The following HECW2 variants were observed in gnomAD, a reference collection of about 807,000 sequenced individuals.
HECW2 encodes E3 ubiquitin-protein ligase HECW2.
Under a neutral mutation model 175.2 loss-of-function variants are expected in HECW2, and 61 were observed. That is an observed-to-expected ratio of 0.35 (90% CI 0.28 to 0.43). The LOEUF is 0.43. Among genes scored for constraint, HECW2 ranks in the 20% least tolerant of loss-of-function variants. The pLI is 1.00. For synonymous variants in HECW2, 671 were observed against 731.0 expected, an observed-to-expected ratio of 0.92 and a Z score of 1.32; for missense variants, 1,524 against 2,000.5, an observed-to-expected ratio of 0.76 and a Z score of 4.54.
chr2:196,329,762 T>G (rs1575421889), intron 4 of HECW2, 112 bp from the exon 5 acceptor site: 3 of 755,194 alleles, frequency 4.0e-6, no homozygotes, highest in Non-Finnish European at 6.8e-6. Context: ...AAACGGGTAT[T>G]GTATCATGTG....
chr2:196,276,687 G>C (rs1222943522), intron 15 of HECW2, among the ~76,000 whole-genome samples: 4 of 152,186 alleles, frequency 2.6e-5, no homozygotes, highest in East Asian at 3.8e-4. Context: ...TTACATGACA[G>C]CAAGGTAAAG....
intron 2 of HECW2, among the ~76,000 whole-genome samples, chr2:196,429,248 G>A (rs1476543459): frequency 6.9e-6 from 1 of 145,938 alleles, no homozygotes; most frequent in Non-Finnish European, 1.5e-5. Flanking sequence ...CCTGGGGGGG[G>A]CCTACCTGCC....
chr2:196,575,441 T>G (rs1369782722), intron 1 of HECW2, among the ~76,000 whole-genome samples: 2 of 152,080 alleles, frequency 1.3e-5, no homozygotes, highest in South Asian at 2.1e-4. Context: ...AATTAGTATC[T>G]CAAAAAGACA....
Position 196,337,032 on chromosome 2 carries a change from G to T in HECW2, c.401-2514C>A, listed in dbSNP as rs574411762. On this transcript the variant is annotated intron_variant, in intron 3 of 28. Transcript: ENST00000644978. Reference sequence around the variant, plus strand: ...CAGCAGGACATCAGTGAAGATTCCTGCCCCTAAAAATATCAGAATGTTCCA... The same window carrying T: ...CAGCAGGACATCAGTGAAGATTCCTTCCCCTAAAAATATCAGAATGTTCCA... 2.0e-5 allele frequency among the ~76,000 whole-genome samples: 3 copies of T among 152,162 alleles called. No individual in the cohort carries two copies. In the South Asian group the frequency reaches 6.2e-4, roughly 32 times the overall value.
chr2:196,557,942 C>G (rs913498310), intron 1 of HECW2, among the ~76,000 whole-genome samples: 4 of 150,908 alleles, frequency 2.7e-5, no homozygotes, highest in African/African-American at 9.9e-5. Flanking sequence ...ATTAATAATA[C>G]TTAACACGAT....
chr2:196,589,683 A>G (rs1232585916), intron 1 of HECW2, among the ~76,000 whole-genome samples: 1 of 152,204 alleles, frequency 6.6e-6, no homozygotes, highest in Non-Finnish European at 1.5e-5. Context: ...AATCTCAGTA[A>G]ATATCCAAGA....
rs1310614241 is a variant in HECW2 at position 196,320,053 on chromosome 2, A to C, written c.986-149T>G. On this transcript the variant is annotated intron_variant, in intron 8 of 28. Coordinates refer to ENST00000644978, the MANE Select transcript of HECW2 (RefSeq NM_001348768.2). ...TTGCTAAGATTCACCACTCACTACT[A>C]AATGAGGAGACTGCTAGTCAGCTTG... 3 of 784,802 alleles carry C rather than the reference A, an allele frequency of 3.8e-6. No homozygotes were observed. The East Asian group carries it at 8.1e-5, about 21-fold the overall frequency. 48.6% of individuals were successfully genotyped at this position (784,802 alleles called of 1,614,324 possible).
chr2:196,495,631 C>T (rs550352885), intron 1 of HECW2, among the ~76,000 whole-genome samples: 11 of 152,238 alleles, frequency 7.2e-5, no homozygotes, highest in Non-Finnish European at 1.5e-4. Context: ...GGCCAGACAG[C>T]ATGTGCAAAG....
At chr2:196,350,263 G>T (rs1200216008) in intron 2 of HECW2, among the ~76,000 whole-genome samples, 2 of 152,214 alleles carry the variant, frequency 1.3e-5, no homozygotes, top group Non-Finnish European at 2.9e-5. Flanking sequence ...TATACGGGAG[G>T]CTGAGGCAGG....
intron 1 of HECW2, among the ~76,000 whole-genome samples, chr2:196,501,263 C>T (rs927631050): frequency 6.6e-6 from 1 of 152,076 alleles, no homozygotes; most frequent in African/African-American, 2.4e-5. Context: ...GGAAGGGATG[C>T]CACAATTACA....
Position 196,292,600 on chromosome 2 carries a change from G to A in HECW2, c.2965C>T (p.Arg989Trp). 6.2e-7 allele frequency: 1 copy of A among 1,613,812 alleles called. No homozygotes were observed. Among genetic ancestry groups the A allele is most frequent in the Non-Finnish European group, 8.5e-7 (1 of 1,179,806 alleles). The change falls in exon 14 of 29, where the codon CGG becomes TGG. Residue 989 changes from arginine to tryptophan, a missense_variant. This residue lies in a region of HECW2 where 291 missense variants were observed against 412.2 expected (regional missense o/e 0.71). Transcript: ENST00000644978. ...TGATCATGTTTCATTTCCCATCCCC[G>A]CGGCAGCTCTAGCTGTTTGTTCGCG... ...MFANKQLELP[R>W]GWEMKHDHQG...
At chr2:196,364,182 A>G (rs1330413944) in intron 2 of HECW2, among the ~76,000 whole-genome samples, 1 of 152,214 alleles carries the variant, frequency 6.6e-6, no homozygotes, top group Non-Finnish European at 1.5e-5. Context: ...CATTTGGTAC[A>G]TATACCACTT....
intron 21 of HECW2, among the ~76,000 whole-genome samples, chr2:196,235,436 T>C (rs1050674469): frequency 2.6e-5 from 4 of 151,952 alleles, no homozygotes; most frequent in Non-Finnish European, 4.4e-5. Context: ...CATACATCTC[T>C]AGTATTGTGG....
At chr2:196,274,733 G>A (rs1412022623) in intron 15 of HECW2, among the ~76,000 whole-genome samples, 1 of 152,204 alleles carries the variant, frequency 6.6e-6, no homozygotes, top group Non-Finnish European at 1.5e-5. Context: ...AGGAGCAGGT[G>A]TGGAGGAGCT....
chr2:196,582,153 T>C (rs558648934), intron 1 of HECW2, among the ~76,000 whole-genome samples: 3 of 152,160 alleles, frequency 2.0e-5, no homozygotes, highest in Admixed American at 6.5e-5. Flanking sequence ...AGCAAATCAT[T>C]AGGAAGAATT....
At chr2:196,555,517 G>A (rs1005077024) in intron 1 of HECW2, among the ~76,000 whole-genome samples, 2 of 152,036 alleles carry the variant, frequency 1.3e-5, no homozygotes, top group Non-Finnish European at 2.9e-5. Context: ...TAGCACATAG[G>A]TCCTATCAAA....
chr2:196,510,431 C>G (rs1261344052), intron 1 of HECW2, among the ~76,000 whole-genome samples: 1 of 152,236 alleles, frequency 6.6e-6, no homozygotes, highest in African/African-American at 2.4e-5. Flanking sequence ...TCCACCCACT[C>G]TCGCCCAGAT....
intron 1 of HECW2, among the ~76,000 whole-genome samples, chr2:196,510,406 T>TGCCAAGGG (rs1396786173): frequency 2.0e-5 from 3 of 152,138 alleles, no homozygotes; most frequent in Non-Finnish European, 4.4e-5. Flanking sequence ...TTTCATAGTC[T>TGCCAAGGG]TACCAGCATC....
intron 19 of HECW2, among the ~76,000 whole-genome samples, chr2:196,253,022 A>G (rs1338200806): frequency 6.6e-6 from 1 of 152,250 alleles, no homozygotes; most frequent in Non-Finnish European, 1.5e-5. Flanking sequence ...GTAGTCCTAG[A>G]GTCTAATTCA....
Sources: gnomAD v4.1 joint callset for allele counts (sites outside exome capture counted in the v4.1 genomes callset) on GRCh38, gnomAD v4.1.1 for gene constraint, gnomAD v4.1.1 regional missense constraint, MANE v1.5 for transcripts, NCBI Gene and HGNC (gene_info 2026-07-23, HGNC 2026-07-21) for gene names.